The following UNC5C variants were observed in gnomAD, a reference collection of about 807,000 sequenced individuals.
The protein encoded by UNC5C is netrin receptor UNC5C.
A neutral mutation model predicts 99.8 loss-of-function variants in UNC5C; 47 were observed. That is an observed-to-expected ratio of 0.47 (90% CI 0.37 to 0.60). The LOEUF (loss-of-function observed/expected upper bound fraction) is 0.60, where lower values mean the gene tolerates loss of function less well. Among genes scored for constraint, UNC5C ranks in the 20% least tolerant of loss-of-function variants. The probability of loss-of-function intolerance (pLI) is 0.00; values close to 1 mark genes in which losing one functional copy is unlikely to be tolerated. For synonymous variants in UNC5C, 487 were observed against 452.2 expected (o/e 1.08, Z -0.98); for missense variants, 1,062 against 1,165.9 (o/e 0.91, Z 1.30).
At chr4:95,275,915 C>T (rs1287566153) in intron 4 of UNC5C, among the ~76,000 whole-genome samples, 4 of 152,208 alleles carry the variant, frequency 2.6e-5, no homozygotes, top group African/African-American at 9.6e-5. Flanking sequence ...CATCTCCCAA[C>T]GACTGATCTA....
At chr4:95,506,797 T>C (rs964711635) in intron 1 of UNC5C, among the ~76,000 whole-genome samples, 1 of 151,946 alleles carries the variant, frequency 6.6e-6, no homozygotes, top group African/African-American at 2.4e-5. Flanking sequence ...TATATGCCAA[T>C]GATAATATCC....
chr4:95,387,366 C>T (rs1745242066), intron 1 of UNC5C, among the ~76,000 whole-genome samples: 1 of 152,160 alleles, frequency 6.6e-6, no homozygotes, highest in African/African-American at 2.4e-5. Context: ...TCTCGATGAC[C>T]TGAGCTCAAG....
intron 3 of UNC5C, among the ~76,000 whole-genome samples, chr4:95,292,582 G>C (rs570128528): frequency 6.6e-6 from 1 of 151,986 alleles, no homozygotes; most frequent in Non-Finnish European, 1.5e-5. Context: ...GGGTGAGGGG[G>C]TACAGAATAC....
At chr4:95,480,306 C>T (rs1721099424) in intron 1 of UNC5C, among the ~76,000 whole-genome samples, 2 of 148,592 alleles carry the variant, frequency 1.3e-5, no homozygotes, top group South Asian at 4.3e-4. Flanking sequence ...TATAGATAGC[C>T]TATTGGCTCT....
At chr4:95,547,518 A>T (rs1723102707) in intron 1 of UNC5C, among the ~76,000 whole-genome samples, 1 of 152,166 alleles carries the variant, frequency 6.6e-6, no homozygotes, top group African/African-American at 2.4e-5. Flanking sequence ...ATTTGGAAGG[A>T]AGAGTAACCG....
intron 5 of UNC5C, among the ~76,000 whole-genome samples, chr4:95,249,252 T>G (rs1579266254): frequency 6.6e-6 from 1 of 152,344 alleles, no homozygotes; most frequent in South Asian, 2.1e-4. Flanking sequence ...TCTCAGAATG[T>G]GTCCCCATCA....
intron 1 of UNC5C, among the ~76,000 whole-genome samples, chr4:95,466,972 T>G (rs1488860042): frequency 2.0e-5 from 3 of 152,162 alleles, no homozygotes; most frequent in Admixed American, 6.5e-5. Context: ...TGCTTGCACC[T>G]TGCTCTGTGT....
chr4:95,489,778 T>C (rs1721430219), intron 1 of UNC5C, among the ~76,000 whole-genome samples: 1 of 151,430 alleles, frequency 6.6e-6, no homozygotes, highest in South Asian at 2.1e-4. Context: ...AATTTTGGGG[T>C]AACGGAAGAA....
At chr4:95,467,339 A>G (rs1164079706) in intron 1 of UNC5C, among the ~76,000 whole-genome samples, 2 of 152,210 alleles carry the variant, frequency 1.3e-5, no homozygotes, top group Non-Finnish European at 2.9e-5. Context: ...GGAATAGAAC[A>G]ACAGGAAATG....
At chr4:95,215,950 G>A (rs902089954) in intron 10 of UNC5C, 174 bp downstream of exon 10, 3 of 498,866 alleles carry the variant, frequency 6.0e-6, no homozygotes, top group Non-Finnish European at 7.1e-6. Context: ...AGCGTCTGGA[G>A]CCTCAAAGAC....
intron 1 of UNC5C, among the ~76,000 whole-genome samples, chr4:95,538,475 C>A (rs1436669859): frequency 6.6e-6 from 1 of 152,178 alleles, no homozygotes; most frequent in South Asian, 2.1e-4. Context: ...TTTAAACTTG[C>A]ATTCAGCATT....
chr4:95,406,775 A>G lies in UNC5C; in HGVS notation c.125-71144T>C, dbSNP rs17023767. ...TATATGCTTCTGGAGAATTAAATTC[A>G]GATTCAAATCTTAAGGTTTCAAAAT... On this transcript the variant is annotated intron_variant, in intron 1 of 15. Transcript: ENST00000453304. 0.034 allele frequency among the ~76,000 whole-genome samples: 5,231 copies of G among 152,318 alleles called. 404 individuals are homozygous for G. In the East Asian group the frequency reaches 0.35, roughly 10 times the overall value.
At chr4:95,299,497 T>C (rs1157839369) in intron 3 of UNC5C, among the ~76,000 whole-genome samples, 1 of 152,174 alleles carries the variant, frequency 6.6e-6, no homozygotes, top group Admixed American at 6.5e-5. Context: ...CACTATAAAA[T>C]GTGAAGCAGG....
intron 1 of UNC5C, among the ~76,000 whole-genome samples, chr4:95,476,896 T>C (rs891781239): frequency 6.6e-6 from 1 of 152,030 alleles, no homozygotes; most frequent in African/African-American, 2.4e-5. Context: ...TCTGAATGCC[T>C]CCAGGGTCTG....
At position 95,164,572 on chromosome 4, in the gene UNC5C, A is replaced by G. The variant is rs1735791685; in HGVS notation, c.*4662T>C. ...TGGTCCTATGAGGCACTCGAGAGGT[A>G]AAAAAATGTTTTGTTAACTTGAGAT... On this transcript the variant is annotated 3_prime_UTR_variant, in exon 16 of 16. Transcript: ENST00000453304. 1 of 152,208 alleles carries G rather than the reference A, an allele frequency of 6.6e-6. No homozygotes were observed. The highest frequency in any genetic ancestry group is 1.5e-5 in the Non-Finnish European group (1 of 68,038). The allele number at this position is 152,208 out of a possible 1,614,324, so 9.4% of individuals were successfully genotyped here. A position where few individuals can be genotyped will look rare whatever the true frequency, so the allele number is the denominator to read the frequency against.
intron 3 of UNC5C, among the ~76,000 whole-genome samples, chr4:95,290,730 A>G (rs1296375275): frequency 1.3e-5 from 2 of 152,246 alleles, no homozygotes; most frequent in African/African-American, 4.8e-5. Context: ...TAAAGAAGAA[A>G]GAATAAGGAC....
chr4:95,474,450 C>T (rs1042332817), intron 1 of UNC5C, among the ~76,000 whole-genome samples: 1 of 152,066 alleles, frequency 6.6e-6, no homozygotes. Context: ...GCCAGCACCC[C>T]TGTCTAATTT....
At chr4:95,210,462 A>G (rs941063639) in intron 10 of UNC5C, among the ~76,000 whole-genome samples, 4 of 152,194 alleles carry the variant, frequency 2.6e-5, no homozygotes, top group Non-Finnish European at 5.9e-5. Flanking sequence ...TCCTTTATAC[A>G]AAGGAAGCTA....
At chr4:95,519,742 G>T (rs902301070) in intron 1 of UNC5C, among the ~76,000 whole-genome samples, 1 of 152,262 alleles carries the variant, frequency 6.6e-6, no homozygotes, top group East Asian at 1.9e-4. Flanking sequence ...GGAACAGAAA[G>T]GGAAGACTTT....
Sources: allele counts gnomAD v4.1 joint callset (sites outside exome capture counted in the v4.1 genomes callset), GRCh38; gene constraint gnomAD v4.1.1; transcripts MANE v1.5; gene names NCBI Gene and HGNC (gene_info 2026-07-23, HGNC 2026-07-21).